FOCAD: variants seen among roughly 807,000 people sequenced by gnomAD.
FOCAD encodes KIAA1797.
FOCAD carries 198 observed loss-of-function variants against 225.6 expected under a neutral mutation model. The observed-to-expected ratio is 0.88, with a 90% CI of 0.78 to 0.99. FOCAD has a LOEUF of 0.99. Ranked by LOEUF, FOCAD falls within the 50% of genes least tolerant of loss-of-function variation. The probability of loss-of-function intolerance (pLI) is 0.00; values close to 1 mark genes in which losing one functional copy is unlikely to be tolerated. For missense variants in FOCAD, 2,713 were observed against 2,123.6 expected (o/e 1.28, Z -5.46); for synonymous variants, 897 against 755.0 (o/e 1.19, Z -3.08).
rs548454731 is a variant in FOCAD at position 20,949,793 on chromosome 9, C to T, written c.3948+118C>T. The T allele has an allele frequency of 5.7e-4, 493 of 859,430 alleles. 4 individuals are homozygous for T. The East Asian group carries it at 6.4e-3, about 11-fold the overall frequency. The allele number at this position is 859,430 out of a possible 1,614,324, so 53.2% of individuals were successfully genotyped here. On this transcript the variant is annotated intron_variant, in intron 33 of 43. Transcript: ENST00000338382. ...AAATGGGAAAGTCTCTGGTTATTCCCGCTGAGTTCAAGAGGCATTTGGGAG... is the reference window on the plus strand; with the variant it reads ...AAATGGGAAAGTCTCTGGTTATTCCTGCTGAGTTCAAGAGGCATTTGGGAG...
intron 11 of FOCAD, among the ~76,000 whole-genome samples, chr9:20,805,895 C>T (rs1302151234): frequency 6.6e-6 from 1 of 152,154 alleles, no homozygotes; most frequent in Non-Finnish European, 1.5e-5. Flanking sequence ...AGAGGCTTGA[C>T]CTAGCTGCTG....
intron 11 of FOCAD, 121 bp from the exon 12 acceptor site, chr9:20,819,675 C>G (rs1176243872): frequency 2.1e-6 from 1 of 486,426 alleles, no homozygotes; most frequent in Non-Finnish European, 3.6e-6. Flanking sequence ...CTGATATATT[C>G]TAAGTCTTCC....
At position 20,907,196 on chromosome 9, in the gene FOCAD, A is replaced by T; in HGVS notation, c.2672A>T (p.Gln891Leu). Residue 891 changes from glutamine to leucine, a missense_variant, in exon 22 of 44, where the codon CAG becomes CTG. Gln to Leu is a moderately radical substitution (Grantham distance 113). Coordinates refer to ENST00000338382, the MANE Select transcript of FOCAD (RefSeq NM_001375567.1). ...TGGCACCGTGCAATTTTTCTTCCAC[A>T]GGCCTGGCTTGCATACATGAATCGA... is the stretch of plus-strand genomic sequence containing the variant. Reference protein sequence around the residue: ...SEWHRAIFLPQAWLAYMNRAY... With the variant: ...SEWHRAIFLPLAWLAYMNRAY... 6.2e-7 allele frequency: 1 copy of T among 1,613,262 alleles called. No individual in the cohort carries two copies. Among genetic ancestry groups the T allele is most frequent in the South Asian group, 1.1e-5 (1 of 91,044 alleles).
chr9:20,756,949 G>C (rs1829106591), intron 5 of FOCAD, among the ~76,000 whole-genome samples: 1 of 151,734 alleles, frequency 6.6e-6, no homozygotes, highest in Admixed American at 6.6e-5. Context: ...TTTTTTTTGA[G>C]ATGGAGTTTT....
intron 39 of FOCAD, among the ~76,000 whole-genome samples, chr9:20,985,239 T>C (rs988305459): frequency 2.0e-5 from 3 of 152,232 alleles, no homozygotes; most frequent in African/African-American, 7.2e-5. Flanking sequence ...GGTTTTGTAA[T>C]ATCATACATT....
rs748436714 is a variant in FOCAD at position 20,821,055 on chromosome 9, GAT to G, written c.1782_1783del (p.Ile594MetfsTer2). On this transcript the variant is annotated frameshift_variant, in exon 14 of 44. Transcript: ENST00000338382. LOFTEE classifies it high-confidence loss of function. ...GATTGCAAAAGCAGCATCAATCAGA[GAT>G]ATATGTAAGCAGAGGTATGATGTCA... ...KLIAKAASIRDICKQRPYQHG... is the reference protein window; with the variant it reads ...KLIAKAASIRXICKQRPYQHG... 1.2e-6 allele frequency: 2 copies of G among 1,612,450 alleles called. No individual in the cohort carries two copies. The highest frequency in any genetic ancestry group is 1.7e-6 in the Non-Finnish European group (2 of 1,178,960).
intron 24 of FOCAD, among the ~76,000 whole-genome samples, chr9:20,919,050 G>A (rs527605592): frequency 2.6e-5 from 4 of 152,190 alleles, no homozygotes; most frequent in East Asian, 3.9e-4. Context: ...TACCAATCAT[G>A]GGATGATCCT....
At chr9:20,662,238 T>G (rs1821750188) in intron 2 of FOCAD, among the ~76,000 whole-genome samples, 1 of 151,976 alleles carries the variant, frequency 6.6e-6, no homozygotes, top group African/African-American at 2.4e-5. Flanking sequence ...ACAAGCTACA[T>G]TGTGATAGCC....
chr9:20,967,550 G>A (rs1410907188), intron 35 of FOCAD, among the ~76,000 whole-genome samples: 2 of 152,070 alleles, frequency 1.3e-5, no homozygotes, highest in Non-Finnish European at 2.9e-5. Flanking sequence ...ACAAAGTGGT[G>A]AAACTGGGAA....
Position 20,719,328 on chromosome 9 carries a change from C to A in FOCAD, c.133-1052C>A, listed in dbSNP as rs144106679. On this transcript the variant is annotated intron_variant, in intron 3 of 43. Coordinates refer to ENST00000338382, the MANE Select transcript of FOCAD (RefSeq NM_001375567.1). ...GAACTTCTGACCTCAGTTGATCCACCCGCCTTGGCCTCCCAAAGTGTTGGG... is the reference window on the plus strand; with the variant it reads ...GAACTTCTGACCTCAGTTGATCCACACGCCTTGGCCTCCCAAAGTGTTGGG... Among the ~76,000 whole-genome samples the A allele has an allele frequency of 1.5e-3, 227 of 152,328 alleles. 1 individual carries two copies. Among genetic ancestry groups the A allele is most frequent in the African/African-American group, 5.1e-3 (213 of 41,572 alleles).
At chr9:20,990,080 T>C (rs754515498) in intron 41 of FOCAD, 43 bp from the exon 42 acceptor site, 1 of 1,608,858 alleles carries the variant, frequency 6.2e-7, no homozygotes, top group East Asian at 2.2e-5. Flanking sequence ...TACTTTGAAT[T>C]GTTAAAAAAT....
chr9:20,786,994 C>T (rs1043119471), intron 10 of FOCAD: 11 of 482,724 alleles, frequency 2.3e-5, no homozygotes, highest in South Asian at 7.7e-5. Context: ...TGAGAGAAAA[C>T]GCTTGATTGC....
chr9:20,884,488 G>GGTCA (rs1195989068), intron 20 of FOCAD, among the ~76,000 whole-genome samples: 6 of 151,716 alleles, frequency 4.0e-5, no homozygotes, highest in Non-Finnish European at 8.8e-5. Context: ...GTAGAGATGG[G>GGTCA]GTTTCACCAT....
chr9:20,813,373 C>A (rs111604128), intron 11 of FOCAD, among the ~76,000 whole-genome samples: 2,111 of 152,166 alleles, frequency 0.014, 48 homozygotes, highest in African/African-American at 0.049. Flanking sequence ...TTTGCATAAA[C>A]AACCTCAAGA....
intron 43 of FOCAD, 50 bp downstream of exon 43, chr9:20,993,378 T>C (rs1167646497): frequency 2.0e-6 from 3 of 1,469,938 alleles, no homozygotes; most frequent in South Asian, 1.1e-5. Context: ...CCATTATTGT[T>C]GTCTGTGGAG....
chr9:20,789,507 G>A lies in FOCAD; in HGVS notation c.1354G>A (p.Ala452Thr). 1.2e-6 allele frequency: 2 copies of A among 1,613,968 alleles called. No individual in the cohort carries two copies. Among genetic ancestry groups the A allele is most frequent in the African/African-American group, 1.3e-5 (1 of 75,006 alleles). The part of the protein sequence containing the change: ...LPITAVIPAP[A>T]FLLLAHLLVE... Reference sequence around the variant, plus strand: ...TATTACTGCTGTGATCCCTGCGCCTGCCTTTCTTCTGCTGGCTCACCTCCT... The same window carrying A: ...TATTACTGCTGTGATCCCTGCGCCTACCTTTCTTCTGCTGGCTCACCTCCT... Residue 452 changes from alanine to threonine, a missense_variant, in exon 11 of 44, where the codon GCC becomes ACC. Ala to Thr is a moderately conservative substitution (Grantham distance 58). Coordinates refer to ENST00000338382, the MANE Select transcript of FOCAD (RefSeq NM_001375567.1).
intron 37 of FOCAD, among the ~76,000 whole-genome samples, chr9:20,981,081 T>C (rs1000996832): frequency 1.3e-5 from 2 of 152,256 alleles, no homozygotes; most frequent in African/African-American, 4.8e-5. Context: ...ATGTGACCTT[T>C]TAAAACTGAA....
chr9:20,724,284 T>C (rs1826021728), intron 4 of FOCAD, among the ~76,000 whole-genome samples: 1 of 152,240 alleles, frequency 6.6e-6, no homozygotes, highest in African/African-American at 2.4e-5. Flanking sequence ...TTTATCAATT[T>C]CCTATTATTT....
At chr9:20,992,218 C>G (rs1310604940) in intron 42 of FOCAD, among the ~76,000 whole-genome samples, 1 of 152,156 alleles carries the variant, frequency 6.6e-6, no homozygotes, top group Non-Finnish European at 1.5e-5. Context: ...GAGAGATCAG[C>G]CAAACTCATA....
Sources: gnomAD v4.1 joint callset for allele counts (sites outside exome capture counted in the v4.1 genomes callset) on GRCh38, gnomAD v4.1.1 for gene constraint, MANE v1.5 for transcripts, NCBI Gene and HGNC (gene_info 2026-07-23, HGNC 2026-07-21) for gene names.